UNC13B: variants seen among roughly 807,000 people sequenced by gnomAD.
UNC13B encodes the protein unc-13 homolog B.
Under a neutral mutation model 211.0 loss-of-function variants are expected in UNC13B, and 144 were observed. The observed-to-expected ratio is 0.68, with a 90% CI of 0.60 to 0.78. The LOEUF (loss-of-function observed/expected upper bound fraction) is 0.78, where lower values mean the gene tolerates loss of function less well. UNC13B is among the 30% of genes least tolerant of loss of function. The pLI is 0.00. For synonymous variants in UNC13B, 709 were observed against 725.8 expected, an observed-to-expected ratio of 0.98 and a Z score of 0.37; for missense variants, 1,777 against 2,002.0, an observed-to-expected ratio of 0.89 and a Z score of 2.14.
intron 7 of UNC13B, among the ~76,000 whole-genome samples, chr9:35,265,983 C>G (rs375173598): frequency 1.3e-3 from 205 of 152,142 alleles, no homozygotes; most frequent in African/African-American, 4.7e-3. Context: ...TGTCATCACA[C>G]CCGGCTAATT....
chr9:35,378,238 G>C, intron 16 of UNC13B, 57 bp from the exon 17 acceptor site: 1 of 1,608,770 alleles, frequency 6.2e-7, no homozygotes, highest in East Asian at 2.2e-5. Context: ...CATATGAGTA[G>C]TGTTGTGGGG....
chr9:35,372,198 G>T (rs759349578), intron 13 of UNC13B, among the ~76,000 whole-genome samples: 50 of 152,294 alleles, frequency 3.3e-4, no homozygotes, highest in Non-Finnish European at 5.9e-4. Context: ...CTTGAACCCG[G>T]GAGGCGGAAG....
rs1201479267 is a variant in UNC13B at position 35,265,901 on chromosome 9, C to T, written c.526+6851C>T. 4.6e-5 allele frequency among the ~76,000 whole-genome samples: 7 copies of T among 152,296 alleles called. No homozygotes were observed. In the East Asian group the frequency reaches 9.6e-4, roughly 21 times the overall value. On this transcript the variant is annotated intron_variant, in intron 7 of 39. Coordinates refer to ENST00000635942, the MANE Select transcript of UNC13B (RefSeq NM_001371189.2). Reference sequence around the variant, plus strand: ...AGTGCAGTGACACGATCTTGGCTCACGGCAACCTCCGTCTCCCTGGTTCAA... The same window carrying T: ...AGTGCAGTGACACGATCTTGGCTCATGGCAACCTCCGTCTCCCTGGTTCAA...
In UNC13B at chr9:35,259,805, G is replaced by GGT. The variant is rs1554693378; in HGVS notation, c.526+756_526+757insTG. On this transcript the variant is annotated intron_variant, in intron 7 of 39. Coordinates refer to ENST00000635942, the MANE Select transcript of UNC13B (RefSeq NM_001371189.2). ...TGTGTGTAGGGGGATGCGGGGGGGG[G>GGT]GGATTTTGATACTTTTGTGTTGCTC... Among the ~76,000 whole-genome samples the GGT allele has an allele frequency of 4.5e-3, 545 of 120,096 alleles. 33 individuals carry two copies. Among genetic ancestry groups the GGT allele is most frequent in the Non-Finnish European group, 7.1e-3 (402 of 56,426 alleles). 78.8% of individuals were successfully genotyped at this position (120,096 alleles called of 152,430 possible).
At chr9:35,271,489 A>G (rs1827877252) in intron 7 of UNC13B, among the ~76,000 whole-genome samples, 1 of 152,156 alleles carries the variant, frequency 6.6e-6, no homozygotes, top group South Asian at 2.1e-4. Flanking sequence ...TCTTGCAACA[A>G]ATGGTATCAG....
At chr9:35,358,434 T>C (rs375354926) in intron 11 of UNC13B, among the ~76,000 whole-genome samples, 2 of 152,316 alleles carry the variant, frequency 1.3e-5, no homozygotes, top group African/African-American at 4.8e-5. Context: ...AAGGGTTCCT[T>C]CCAATTTCTC....
At chr9:35,239,615 TC>T (rs1407019589) in intron 5 of UNC13B, among the ~76,000 whole-genome samples, 2 of 152,140 alleles carry the variant, frequency 1.3e-5, no homozygotes, top group Admixed American at 6.5e-5. Context: ...GGCAGGAATT[TC>T]CTTGTCCTAA....
chr9:35,245,560 T>C (rs1446742518), intron 6 of UNC13B, among the ~76,000 whole-genome samples: 1 of 138,078 alleles, frequency 7.2e-6, no homozygotes, highest in Non-Finnish European at 1.5e-5. Context: ...CCAAGTGTTC[T>C]CATTGTTCAA....
At chr9:35,260,540 A>G (rs1481089054) in intron 7 of UNC13B, among the ~76,000 whole-genome samples, 2 of 152,186 alleles carry the variant, frequency 1.3e-5, no homozygotes, top group East Asian at 1.9e-4. Context: ...ACCTTTGTCC[A>G]TGGTTTGTGA....
At chr9:35,285,980 C>T (rs1828769939) in intron 7 of UNC13B, among the ~76,000 whole-genome samples, 1 of 152,112 alleles carries the variant, frequency 6.6e-6, no homozygotes. Context: ...TGCTATACTC[C>T]CGTATTTCTA....
intron 1 of UNC13B, among the ~76,000 whole-genome samples, chr9:35,174,963 G>A (rs928113231): frequency 1.3e-5 from 2 of 151,888 alleles, no homozygotes; most frequent in African/African-American, 4.8e-5. Flanking sequence ...ATGAGCCACC[G>A]TGCCCTGCCA....
intron 11 of UNC13B, among the ~76,000 whole-genome samples, chr9:35,344,180 C>T (rs1295657457): frequency 6.6e-6 from 1 of 152,164 alleles, no homozygotes; most frequent in Non-Finnish European, 1.5e-5. Flanking sequence ...CTCTCCCTGC[C>T]AGTCTCATAC....
At chr9:35,366,567 C>G (rs892301101) in intron 11 of UNC13B, among the ~76,000 whole-genome samples, 1 of 152,166 alleles carries the variant, frequency 6.6e-6, no homozygotes, top group Non-Finnish European at 1.5e-5. Flanking sequence ...AGACTGGACT[C>G]TATATGAAGG....
chr9:35,342,471 G>C (rs1220655247), intron 11 of UNC13B: 3 of 609,266 alleles, frequency 4.9e-6, no homozygotes, highest in African/African-American at 4.0e-5. Flanking sequence ...TGGTGAGGGG[G>C]GTCATTATAA....
chr9:35,221,106 T>C (rs546819220), intron 1 of UNC13B, among the ~76,000 whole-genome samples: 1 of 152,336 alleles, frequency 6.6e-6, no homozygotes, highest in East Asian at 1.9e-4. Context: ...TCTCACTCTG[T>C]CACCCAGGCT....
chr9:35,203,096 C>G lies in UNC13B; in HGVS notation c.23-24919C>G, dbSNP rs1301174306. 2.6e-5 allele frequency among the ~76,000 whole-genome samples: 4 copies of G among 152,120 alleles called. No individual in the cohort carries two copies. The East Asian group carries it at 5.8e-4, about 22-fold the overall frequency. On this transcript the variant is annotated intron_variant, in intron 1 of 39. Transcript: ENST00000635942. Reference sequence around the variant, plus strand: ...TGTGAGCCACCATGCCCGGCCGGGTCTTGACTCTTATCCAATTTGCCAGTC... The same window carrying G: ...TGTGAGCCACCATGCCCGGCCGGGTGTTGACTCTTATCCAATTTGCCAGTC...
chr9:35,218,559 A>G (rs1208259373), intron 1 of UNC13B, among the ~76,000 whole-genome samples: 4 of 151,372 alleles, frequency 2.6e-5, no homozygotes, highest in African/African-American at 7.3e-5. Flanking sequence ...ATTATTTTTA[A>G]TTAATTAATT....
Position 35,397,238 on chromosome 9 carries a change from C to A in UNC13B, c.11604C>A (p.Ser3868Arg), listed in dbSNP as rs1835943129. The change falls in exon 29 of 40, where the codon AGC (serine) becomes AGA (arginine). Residue 3868 changes from serine to arginine, a missense_variant. Physicochemically the swap from Ser to Arg is moderately radical, Grantham distance 110. Transcript: ENST00000635942. ...ATGTCTTCACACAACTCAATCAGAGCTTTGAGATCATCCGGAAGCTGGAAT... is the reference window on the plus strand; with the variant it reads ...ATGTCTTCACACAACTCAATCAGAGATTTGAGATCATCCGGAAGCTGGAAT... ...VVDVFTQLNQ[S>R]FEIIRKLECP... The A allele has an allele frequency of 2.5e-6, 4 of 1,614,200 alleles. No individual in the cohort carries two copies. Among genetic ancestry groups the A allele is most frequent in the Non-Finnish European group, 3.4e-6 (4 of 1,180,040 alleles).
intron 11 of UNC13B, among the ~76,000 whole-genome samples, chr9:35,321,002 T>C (rs1830709455): frequency 6.6e-6 from 1 of 152,194 alleles, no homozygotes; most frequent in Non-Finnish European, 1.5e-5. Flanking sequence ...GAATATTAAC[T>C]ATTAACATTA....
Sources: gnomAD v4.1 joint callset for allele counts (sites outside exome capture counted in the v4.1 genomes callset) on GRCh38, gnomAD v4.1.1 for gene constraint, MANE v1.5 for transcripts, NCBI Gene and HGNC (gene_info 2026-07-23, HGNC 2026-07-21) for gene names.